NAT1: variants seen among roughly 807,000 people sequenced by gnomAD.
NAT1 encodes the protein arylamine N-acetyltransferase 1.
For missense variants in NAT1, 400 were observed against 339.2 expected, an observed-to-expected ratio of 1.18 and a Z score of -1.41; for synonymous variants, 144 against 122.6, an observed-to-expected ratio of 1.17 and a Z score of -1.16.
chr8:18,222,011 G>A, intron 2 of NAT1, 31 bp from the exon 3 acceptor site: 1 of 1,568,846 alleles, frequency 6.4e-7, no homozygotes, highest in Non-Finnish European at 8.6e-7. Context: ...AAAGTAAAAT[G>A]ATTTGCTTTC....
At chr8:18,216,842 G>A in intron 1 of NAT1, 2 of 1,301,112 alleles carry the variant, frequency 1.5e-6, no homozygotes, top group Non-Finnish European at 2.1e-6. Context: ...TGGTAAGGGG[G>A]AACTCATAAG....
intron 1 of NAT1, among the ~76,000 whole-genome samples, chr8:18,213,991 T>G (rs1804375055): frequency 6.6e-6 from 1 of 152,080 alleles, no homozygotes; most frequent in Admixed American, 6.5e-5. Flanking sequence ...CTTTTTGTAT[T>G]TTTAGTAGAG....
intron 2 of NAT1, chr8:18,201,067 A>T (rs1419392000): frequency 6.6e-6 from 1 of 152,224 alleles, no homozygotes; most frequent in Non-Finnish European, 1.5e-5. Flanking sequence ...ATTCAAGGTT[A>T]TAAGGATGCT....
At chr8:18,182,833 A>T (rs909095379) in intron 2 of NAT1, among the ~76,000 whole-genome samples, 25 of 152,194 alleles carry the variant, frequency 1.6e-4, no homozygotes, top group African/African-American at 6.0e-4. Context: ...TTAGGAATAA[A>T]TTACATGTTT....
At chr8:18,200,125 C>G (rs563808678) in intron 2 of NAT1, among the ~76,000 whole-genome samples, 1 of 152,170 alleles carries the variant, frequency 6.6e-6, no homozygotes, top group Non-Finnish European at 1.5e-5. Context: ...CTGTAGAAAA[C>G]AGCCTGGTGA....
Position 18,188,994 on chromosome 8 carries a change from CAAA to C in NAT1, n.92+18271_92+18273del, listed in dbSNP as rs55636901. Among the ~76,000 whole-genome samples, 130 of 83,128 alleles carry C rather than the reference CAAA, an allele frequency of 1.6e-3. 1 individual carries two copies. Among genetic ancestry groups the C allele is most frequent in the African/African-American group, 4.7e-3 (120 of 25,610 alleles). 54.5% of individuals were successfully genotyped at this position (83,128 alleles called of 152,430 possible). A position where few individuals can be genotyped will look rare whatever the true frequency, so the allele number is the denominator to read the frequency against. On this transcript the variant is annotated intron_variant and non_coding_transcript_variant, in intron 2 of 4. Coordinates refer to the NAT1 transcript ENST00000517441. ...TGGGTGACAGAGAGAGACTCCGACT[CAAA>C]AAAAAAAAAAAAAAAGAAAGAAAGA... is the stretch of plus-strand genomic sequence containing the variant.
At chr8:18,212,490 A>T (rs1393149478) in intron 1 of NAT1, 1 of 152,272 alleles carries the variant, frequency 6.6e-6, no homozygotes, top group African/African-American at 2.4e-5. Context: ...GTGCTGGGAG[A>T]GCCCCAGCTG....
intron 2 of NAT1, among the ~76,000 whole-genome samples, chr8:18,203,937 G>A (rs1252751516): frequency 6.6e-6 from 1 of 152,068 alleles, no homozygotes; most frequent in Non-Finnish European, 1.5e-5. Flanking sequence ...TCCCTTCTCT[G>A]CCAGTCACCT....
intron 2 of NAT1, among the ~76,000 whole-genome samples, chr8:18,170,915 T>C (rs1040096755): frequency 1.9e-4 from 29 of 152,270 alleles, no homozygotes; most frequent in African/African-American, 6.7e-4. Context: ...CTTTCTTTTT[T>C]CTCCTGTTTT....
intron 2 of NAT1, among the ~76,000 whole-genome samples, chr8:18,177,288 G>T (rs992498936): frequency 6.6e-6 from 1 of 151,926 alleles, no homozygotes; most frequent in Non-Finnish European, 1.5e-5. Context: ...AAAAGACATT[G>T]AATAGGTTTT....
intron 2 of NAT1, among the ~76,000 whole-genome samples, chr8:18,172,669 G>A (rs911559039): frequency 2.6e-5 from 4 of 152,008 alleles, no homozygotes; most frequent in African/African-American, 4.8e-5. Context: ...ATCATTATTC[G>A]GATAAACATC....
intron 2 of NAT1, among the ~76,000 whole-genome samples, chr8:18,175,620 A>G (rs28820650): frequency 0.26 from 39,661 of 152,008 alleles, 5,775 homozygotes; most frequent in African/African-American, 0.38. Context: ...ATCATTGATG[A>G]CCACTTATGT....
chr8:18,187,972 CA>C (rs1802813837), intron 2 of NAT1, among the ~76,000 whole-genome samples: 2 of 148,978 alleles, frequency 1.3e-5, no homozygotes, highest in Admixed American at 1.3e-4. Context: ...CACACACACA[CA>C]CACACACTTT....
intron 2 of NAT1, among the ~76,000 whole-genome samples, chr8:18,185,021 T>C (rs1246929035): frequency 1.3e-5 from 2 of 152,156 alleles, no homozygotes; most frequent in African/African-American, 4.8e-5. Context: ...TAAACATTGG[T>C]TAAACAAATG....
intron 2 of NAT1, among the ~76,000 whole-genome samples, chr8:18,178,460 T>C (rs1802377705): frequency 6.6e-6 from 1 of 152,108 alleles, no homozygotes. Context: ...CAGACATCTC[T>C]TCACTCACAG....
chr8:18,222,891 A>G lies in NAT1; in HGVS notation c.844A>G (p.Lys282Glu). 3 of 1,568,140 alleles carry G rather than the reference A, an allele frequency of 1.9e-6. No individual in the cohort carries two copies. The highest frequency in any genetic ancestry group is 2.6e-6 in the Non-Finnish European group (3 of 1,163,714). ...TTCCTTGCAGAGAAAGCTTGTGCCCAAACATGGTGATAGATTTTTTACTAT... is the reference window on the plus strand; with the variant it reads ...TTCCTTGCAGAGAAAGCTTGTGCCCGAACATGGTGATAGATTTTTTACTAT... ...NISLQRKLVP[K>E]HGDRFFTI The change falls in exon 3 of 3, where the codon AAA becomes GAA. Residue 282 changes from lysine (K) to glutamate (E), a missense_variant. Physicochemically the swap from Lys to Glu is moderately conservative, Grantham distance 56. Transcript: ENST00000307719.
intron 2 of NAT1, among the ~76,000 whole-genome samples, chr8:18,175,967 G>C (rs1278927653): frequency 6.6e-6 from 1 of 151,992 alleles, no homozygotes; most frequent in East Asian, 1.9e-4. Flanking sequence ...TAAAGATTCT[G>C]AGCATTTTTC....
At chr8:18,172,034 A>T (rs1276582162) in intron 2 of NAT1, among the ~76,000 whole-genome samples, 1 of 152,216 alleles carries the variant, frequency 6.6e-6, no homozygotes, top group Non-Finnish European at 1.5e-5. Context: ...TCTTCTAAGC[A>T]TCATTTAAAA....
At chr8:18,203,514 CTTATG>C (rs1449262951) in intron 2 of NAT1, among the ~76,000 whole-genome samples, 1 of 152,116 alleles carries the variant, frequency 6.6e-6, no homozygotes, top group African/African-American at 2.4e-5. Flanking sequence ...TTTCTGTGAG[CTTATG>C]TTATGTCTTG....
Sources: allele counts gnomAD v4.1 joint callset (sites outside exome capture counted in the v4.1 genomes callset), GRCh38; gene constraint gnomAD v4.1.1; transcripts MANE v1.5; gene names NCBI Gene and HGNC (gene_info 2026-07-23, HGNC 2026-07-21).